TARS3: variants seen among roughly 807,000 people sequenced by gnomAD.
TARS3 encodes threonyl-tRNA synthetase 3, also known as threonine--tRNA ligase 2, cytoplasmic.
Under a neutral mutation model 103.5 loss-of-function variants are expected in TARS3, and 94 were observed. That is an observed-to-expected ratio of 0.91 (90% CI 0.77 to 1.08). TARS3 has a LOEUF of 1.08. Among genes scored for constraint, TARS3 ranks in the 50% least tolerant of loss-of-function variants. The probability of loss-of-function intolerance (pLI) is 0.00; values close to 1 mark genes in which losing one functional copy is unlikely to be tolerated. For missense variants in TARS3, 952 were observed against 995.2 expected, an observed-to-expected ratio of 0.96 and a Z score of 0.58; for synonymous variants, 416 against 355.4, an observed-to-expected ratio of 1.17 and a Z score of -1.92.
In TARS3 at chr15:101,655,682, T is replaced by C. The variant is rs56038341; in HGVS notation, c.2261-952A>G. Among the ~76,000 whole-genome samples, 20 of 139,262 alleles carry C rather than the reference T, an allele frequency of 1.4e-4. 1 individual carries two copies. Among genetic ancestry groups the C allele is most frequent in the South Asian group, 7.0e-4 (3 of 4,276 alleles). 91.4% of individuals were successfully genotyped at this position (139,262 alleles called of 152,430 possible). A position where few individuals can be genotyped will look rare whatever the true frequency, so the allele number is the denominator to read the frequency against. ...GGAGCTCTTACAGACTCACAGTGAC[T>C]CCACCTGGCACTAGGGTGCAAATGA... On this transcript the variant is annotated intron_variant, in intron 18 of 18. Coordinates refer to ENST00000335968, the MANE Select transcript of TARS3 (RefSeq NM_152334.3).
intron 15 of TARS3, among the ~76,000 whole-genome samples, chr15:101,668,574 G>A (rs1037203447): frequency 7.9e-5 from 12 of 152,126 alleles, no homozygotes; most frequent in Non-Finnish European, 1.5e-4. Context: ...CCATGCTGTT[G>A]GAAAAATGGC....
chr15:101,665,360 G>T (rs1003739785), intron 15 of TARS3, among the ~76,000 whole-genome samples: 8 of 152,250 alleles, frequency 5.3e-5, no homozygotes, highest in African/African-American at 1.9e-4. Flanking sequence ...AGCAGCATGT[G>T]TAACAATATT....
At chr15:101,670,763 C>G (rs1331294170) in intron 15 of TARS3, among the ~76,000 whole-genome samples, 1 of 152,182 alleles carries the variant, frequency 6.6e-6, no homozygotes, top group Non-Finnish European at 1.5e-5. Flanking sequence ...CCCAAACACC[C>G]TTCAATGAGA....
chr15:101,670,933 GGGCAA>G (rs1350316411), intron 15 of TARS3, among the ~76,000 whole-genome samples: 1 of 152,152 alleles, frequency 6.6e-6, no homozygotes, highest in African/African-American at 2.4e-5. Context: ...ATTCTGGAAA[GGGCAA>G]GACTATGGTG....
At chr15:101,702,822 G>T (rs932810521) in intron 8 of TARS3, among the ~76,000 whole-genome samples, 19 of 152,190 alleles carry the variant, frequency 1.2e-4, no homozygotes, top group Admixed American at 5.9e-4. Context: ...AAGACTATTT[G>T]TAGTGCTGGG....
At chr15:101,718,637 G>A (rs1399881581) in intron 3 of TARS3, among the ~76,000 whole-genome samples, 1 of 152,134 alleles carries the variant, frequency 6.6e-6, no homozygotes, top group Non-Finnish European at 1.5e-5. Flanking sequence ...GAACTGCAAG[G>A]ATTAGAGAGC....
At chr15:101,696,688 A>C (rs1052988250) in intron 10 of TARS3, among the ~76,000 whole-genome samples, 1 of 152,342 alleles carries the variant, frequency 6.6e-6, no homozygotes, top group Non-Finnish European at 1.5e-5. Context: ...AGAAACCTTA[A>C]AAACTGAGTT....
intron 15 of TARS3, among the ~76,000 whole-genome samples, chr15:101,663,745 C>G (rs1343680699): frequency 6.6e-6 from 1 of 152,132 alleles, no homozygotes; most frequent in Non-Finnish European, 1.5e-5. Context: ...TTAACATCTA[C>G]TAATAATAAT....
chr15:101,685,418 G>A (rs12907459), intron 11 of TARS3, among the ~76,000 whole-genome samples: 93,893 of 151,972 alleles, frequency 0.62, 29,693 homozygotes, highest in East Asian at 0.95. Context: ...ATGATATAAT[G>A]CTAAGATGCC....
chr15:101,674,873 C>T (rs564899303), intron 13 of TARS3, among the ~76,000 whole-genome samples: 1 of 152,074 alleles, frequency 6.6e-6, no homozygotes, highest in South Asian at 2.1e-4. Flanking sequence ...TGAACAGATA[C>T]GTGTCCTTAA....
At chr15:101,685,849 G>A (rs368019208) in intron 11 of TARS3, 47 bp downstream of exon 11, 28 of 1,478,464 alleles carry the variant, frequency 1.9e-5, no homozygotes, top group Middle Eastern at 1.8e-4. Flanking sequence ...GTGACGAAGC[G>A]TGCTATGTGC....
At chr15:101,705,002 A>G (rs943487196) in intron 7 of TARS3, among the ~76,000 whole-genome samples, 2 of 152,210 alleles carry the variant, frequency 1.3e-5, no homozygotes, top group African/African-American at 4.8e-5. Flanking sequence ...AATTAAATAA[A>G]TACCAGGTCT....
chr15:101,713,771 T>A (rs576765900), intron 4 of TARS3, among the ~76,000 whole-genome samples: 1 of 152,198 alleles, frequency 6.6e-6, no homozygotes, highest in Non-Finnish European at 1.5e-5. Flanking sequence ...AATATCTACA[T>A]GCAGATATCA....
intron 10 of TARS3, chr15:101,695,708 GC>G (rs1164435965): frequency 6.6e-6 from 1 of 152,016 alleles, no homozygotes; most frequent in Non-Finnish European, 1.5e-5. Flanking sequence ...TTTGAGACCA[GC>G]CTGACCAACA....
chr15:101,672,813 C>G (rs1262707500), intron 13 of TARS3, among the ~76,000 whole-genome samples: 1 of 152,208 alleles, frequency 6.6e-6, no homozygotes, highest in East Asian at 1.9e-4. Context: ...CTCCCCTGTT[C>G]CACTCTGTTT....
rs769527620 is a variant in TARS3, at chr15:101,714,844, T to C, written c.686A>G (p.Gln229Arg). ...ELLTFDNEEA[Q>R]AVYWHSSAHI... is the part of the protein sequence containing the mutation. ...GTCTGGTTTTTAAATACTCACAGCT[T>C]GAGCTTCCTCATTATCAAATGTAAG... The change falls in exon 4 of 19, where the codon CAA (glutamine) becomes CGA (arginine). Residue 229 changes from glutamine (Q) to arginine (R), a missense_variant. By Grantham distance (43) the Gln-to-Arg change is conservative. This residue lies in a region of TARS3 where 412 missense variants were observed against 364.2 expected (regional missense o/e 1.13). Coordinates refer to ENST00000335968, the MANE Select transcript of TARS3 (RefSeq NM_152334.3). 1.2e-6 allele frequency: 2 copies of C among 1,604,328 alleles called. No homozygotes were observed. Among genetic ancestry groups the C allele is most frequent in the South Asian group, 2.2e-5 (2 of 89,220 alleles).
chr15:101,695,273 T>G (rs965557386), intron 10 of TARS3, among the ~76,000 whole-genome samples: 3 of 152,112 alleles, frequency 2.0e-5, no homozygotes, highest in African/African-American at 7.2e-5. Context: ...GTCAATCCCC[T>G]CTCCCCACCC....
At chr15:101,684,020 C>A in intron 12 of TARS3, 55 bp downstream of exon 12, 2 of 1,529,082 alleles carry the variant, frequency 1.3e-6, no homozygotes, top group Non-Finnish European at 1.8e-6. Flanking sequence ...AAGATGTGTG[C>A]GGGGCATCAC....
At chr15:101,686,163 C>CTA (rs1024622665) in intron 10 of TARS3, 101 bp from the exon 11 acceptor site, 2 of 1,091,364 alleles carry the variant, frequency 1.8e-6, no homozygotes, top group Admixed American at 5.0e-5. Context: ...GGCTCATGTC[C>CTA]TATATTAATT....
Sources: allele counts gnomAD v4.1 joint callset (sites outside exome capture counted in the v4.1 genomes callset), GRCh38; gene constraint gnomAD v4.1.1; regional missense constraint gnomAD v4.1.1; transcripts MANE v1.5; gene names NCBI Gene and HGNC (gene_info 2026-07-23, HGNC 2026-07-21).